CCNT2: variants seen among roughly 807,000 people sequenced by gnomAD.
CCNT2 encodes cyclin T2.
Under a neutral mutation model 70.0 loss-of-function variants are expected in CCNT2, and 18 were observed. The observed-to-expected ratio is 0.26, with a 90% CI of 0.18 to 0.38. The LOEUF is 0.38. CCNT2 is among the 10% of genes least tolerant of loss of function. The pLI is 1.00. For synonymous variants in CCNT2, 334 were observed against 313.3 expected (o/e 1.07, Z -0.70); for missense variants, 734 against 890.2 (o/e 0.82, Z 2.23).
chr2:134,954,208 G>A lies in CCNT2; in HGVS notation c.1753G>A (p.Gly585Ser), dbSNP rs374558274. 2.2e-5 allele frequency: 35 copies of A among 1,613,942 alleles called. No individual in the cohort carries two copies. Among genetic ancestry groups the A allele is most frequent in the South Asian group, 6.6e-5 (6 of 91,082 alleles). ...HSHSHSGSSSGGSKHSADGIP... is the reference protein window; with the variant it reads ...HSHSHSGSSSSGSKHSADGIP... Reference sequence around the variant, plus strand: ...CCACTCGCATAGTGGCAGCAGCAGCGGTGGCAGTAAACACAGTGCCGACGG... The same window carrying A: ...CCACTCGCATAGTGGCAGCAGCAGCAGTGGCAGTAAACACAGTGCCGACGG... Residue 585 changes from glycine (G) to serine (S), a missense_variant, in exon 9 of 9, where the codon GGT becomes AGT. Physicochemically the swap from Gly to Ser is moderately conservative, Grantham distance 56 (BLOSUM62 0). Around this residue, in one of 3 missense-constraint regions of CCNT2, gnomAD observed 532 missense variants for 556.9 expected, o/e 0.96. Coordinates refer to ENST00000264157, the MANE Select transcript of CCNT2 (RefSeq NM_058241.3).
At chr2:134,919,395 A>G (rs374026233) in intron 1 of CCNT2, among the ~76,000 whole-genome samples, 18 of 152,244 alleles carry the variant, frequency 1.2e-4, no homozygotes, top group East Asian at 7.7e-4. Flanking sequence ...TGAAAGGCCT[A>G]AGTGTTTGCC....
At chr2:134,923,507 T>C (rs1268555879) in intron 2 of CCNT2, among the ~76,000 whole-genome samples, 2 of 152,208 alleles carry the variant, frequency 1.3e-5, no homozygotes, top group African/African-American at 4.8e-5. Context: ...TTAGCATTAC[T>C]TGGAAATACT....
chr2:134,945,941 G>C (rs528923779), intron 5 of CCNT2, 160 bp from the exon 6 acceptor site: 2 of 1,542,704 alleles, frequency 1.3e-6, no homozygotes, highest in African/African-American at 2.7e-5. Flanking sequence ...AAGATTTTCA[G>C]TAGTATAGAA....
intron 7 of CCNT2, among the ~76,000 whole-genome samples, chr2:134,950,986 A>G (rs1682457421): frequency 6.6e-6 from 1 of 152,198 alleles, no homozygotes. Flanking sequence ...GTTAACAGAA[A>G]TTGAGTCAAA....
At chr2:134,927,354 C>T (rs1680367397) in intron 2 of CCNT2, among the ~76,000 whole-genome samples, 1 of 152,010 alleles carries the variant, frequency 6.6e-6, no homozygotes, top group African/African-American at 2.4e-5. Context: ...TACCTTTTCT[C>T]TGCACACACA....
chr2:134,949,817 G>T, intron 7 of CCNT2, among the ~76,000 whole-genome samples: 1 of 119,918 alleles, frequency 8.3e-6, no homozygotes, highest in Admixed American at 9.0e-5. Flanking sequence ...GGGGGGTGGG[G>T]GACAGAGTCT....
intron 2 of CCNT2, among the ~76,000 whole-genome samples, chr2:134,924,041 T>C (rs1680104524): frequency 6.6e-6 from 1 of 152,210 alleles, no homozygotes; most frequent in South Asian, 2.1e-4. Context: ...GCATTGTGTA[T>C]CACTGTTTTT....
chr2:134,954,520 A>G lies in CCNT2; in HGVS notation c.2065A>G (p.Lys689Glu). The G allele has an allele frequency of 6.2e-7, 1 of 1,614,146 alleles. No homozygotes were observed. Among genetic ancestry groups the G allele is most frequent in the Non-Finnish European group, 8.5e-7 (1 of 1,179,962 alleles). Reference protein sequence around the residue: ...GHLSTLVKLDKKPVETNGPDA... With the variant: ...GHLSTLVKLDEKPVETNGPDA... ...TCTCAGCACCCTCGTGAAACTGGAC[A>G]AGAAGCCAGTGGAGACCAACGGTCC... Residue 689 changes from lysine (K) to glutamate (E), a missense_variant, in exon 9 of 9, where the codon AAG becomes GAG. Lys to Glu is a moderately conservative substitution (Grantham distance 56, BLOSUM62 1). Transcript: ENST00000264157.
In CCNT2 at chr2:134,958,349, T is replaced by C. The variant is rs1683038572; in HGVS notation, c.*3701T>C. ...GGAAGAATCATGGATTCAGTATTTC[T>C]AACCTGATTACTGCCTCAGAGGCTG... On this transcript the variant is annotated 3_prime_UTR_variant, in exon 9 of 9. Transcript: ENST00000264157. 2 of 152,222 alleles carry C rather than the reference T, an allele frequency of 1.3e-5. No homozygotes were observed. The highest frequency in any genetic ancestry group is 1.3e-4 in the Admixed American group (2 of 15,272). 9.4% of individuals were successfully genotyped at this position (152,222 alleles called of 1,614,324 possible).
At chr2:134,953,059 T>G in intron 8 of CCNT2, 171 bp from the exon 9 acceptor site, 2 of 529,402 alleles carry the variant, frequency 3.8e-6, no homozygotes, top group Non-Finnish European at 3.3e-6. Flanking sequence ...TTATAGCCTT[T>G]TATGCCTCTA....
intron 2 of CCNT2, among the ~76,000 whole-genome samples, chr2:134,921,935 ATAT>A (rs1304025545): frequency 1.3e-5 from 2 of 152,164 alleles, no homozygotes; most frequent in Non-Finnish European, 2.9e-5. Context: ...GTTTTGAGAA[ATAT>A]TATTATACCC....
At chr2:134,929,613 C>CAGAGAGAGAGCGAGAG (rs1680576972) in intron 2 of CCNT2, among the ~76,000 whole-genome samples, 1 of 117,620 alleles carries the variant, frequency 8.5e-6, no homozygotes. Context: ...GTCTCAAAAA[C>CAGAGAGAGAGCGAGAG]AGAGAGAGAG....
chr2:134,944,069 T>A (rs1257106289), intron 5 of CCNT2: 1 of 984,944 alleles, frequency 1.0e-6, no homozygotes, highest in African/African-American at 1.7e-5. Context: ...AAATCTAATT[T>A]GTATTTTTTT....
At chr2:134,948,380 C>T (rs1682158345) in intron 7 of CCNT2, among the ~76,000 whole-genome samples, 1 of 152,120 alleles carries the variant, frequency 6.6e-6, no homozygotes, top group Non-Finnish European at 1.5e-5. Context: ...CATAAGCTGA[C>T]AAGATAAGAA....
chr2:134,951,348 TTGAC>T (rs761568251), intron 7 of CCNT2, among the ~76,000 whole-genome samples: 6 of 152,238 alleles, frequency 3.9e-5, no homozygotes, highest in South Asian at 2.1e-4. Flanking sequence ...TCTGATGTAT[TTGAC>T]TGATGAATAT....
intron 5 of CCNT2, chr2:134,945,789 G>C: frequency 7.3e-7 from 1 of 1,367,140 alleles, no homozygotes; most frequent in Non-Finnish European, 9.6e-7. Flanking sequence ...AAATCCAGGA[G>C]AATGCTTTAT....
chr2:134,944,003 G>C, intron 5 of CCNT2: 1 of 979,998 alleles, frequency 1.0e-6, no homozygotes, highest in Non-Finnish European at 1.2e-6. Flanking sequence ...TATTATGTTA[G>C]TGGCTACAAT....
In CCNT2 at chr2:134,954,181, T is replaced by C. The variant is rs568509342; in HGVS notation, c.1726T>C (p.Ser576Pro). ...CCACCACACCAGCAGCCACAAGCAT[T>C]CCCACTCGCATAGTGGCAGCAGCAG... ...SRHHTSSHKH[S>P]HSHSGSSSGG... Residue 576 changes from serine to proline, a missense_variant, in exon 9 of 9, where the codon TCC becomes CCC. Transcript: ENST00000264157. The C allele has an allele frequency of 6.2e-7, 1 of 1,614,118 alleles. No homozygotes were observed. Among genetic ancestry groups the C allele is most frequent in the Admixed American group, 1.7e-5 (1 of 60,018 alleles).
intron 2 of CCNT2, among the ~76,000 whole-genome samples, chr2:134,935,558 A>G (rs1291283150): frequency 3.3e-5 from 5 of 152,228 alleles, no homozygotes; most frequent in Non-Finnish European, 7.3e-5. Context: ...AGTGAGGCTC[A>G]AATGTTCATC....
Sources: gnomAD v4.1 joint callset for allele counts (sites outside exome capture counted in the v4.1 genomes callset) on GRCh38, gnomAD v4.1.1 for gene constraint, gnomAD v4.1.1 regional missense constraint, MANE v1.5 for transcripts, NCBI Gene and HGNC (gene_info 2026-07-23, HGNC 2026-07-21) for gene names.